ABLIM3: variants seen among roughly 807,000 people sequenced by gnomAD.
The protein encoded by ABLIM3 is actin-binding LIM protein 3.
In ABLIM3, 61 loss-of-function variants were observed where a neutral mutation model predicts 109.5. That is an observed-to-expected ratio of 0.56 (90% CI 0.45 to 0.69). The LOEUF is 0.69. Among genes scored for constraint, ABLIM3 ranks in the 30% least tolerant of loss-of-function variants. ABLIM3 has a pLI of 0.00. For synonymous variants in ABLIM3, 300 were observed against 324.8 expected (o/e 0.92, Z 0.82); for missense variants, 796 against 889.5 (o/e 0.89, Z 1.34).
At chr5:149,220,677 G>T (rs1043451904) in intron 8 of ABLIM3, 3 of 152,174 alleles carry the variant, frequency 2.0e-5, no homozygotes, top group African/African-American at 7.2e-5. Flanking sequence ...CCTGCTCCTG[G>T]GTAGCTCAGG....
At chr5:149,204,357 C>T (rs1353286413) in intron 5 of ABLIM3, among the ~76,000 whole-genome samples, 2 of 152,136 alleles carry the variant, frequency 1.3e-5, no homozygotes, top group African/African-American at 4.8e-5. Context: ...ATTTATTACA[C>T]CAGACCCACG....
intron 2 of ABLIM3, among the ~76,000 whole-genome samples, chr5:149,170,587 A>G (rs1755322555): frequency 1.3e-5 from 2 of 152,218 alleles, no homozygotes; most frequent in Non-Finnish European, 2.9e-5. Context: ...CTGAGCAGGC[A>G]AAACAACAGA....
chr5:149,154,353 G>A lies in ABLIM3; in HGVS notation c.13+12245G>A, dbSNP rs1753694349. 3.3e-5 allele frequency among the ~76,000 whole-genome samples: 5 copies of A among 152,332 alleles called. No individual in the cohort carries two copies. The South Asian group carries it at 1.0e-3, about 32-fold the overall frequency. Reference sequence around the variant, plus strand: ...GTGATGTTAGCATTATATGGTGCAGGAACCTCAGGTGATTATAAATCCCCC... The same window carrying A: ...GTGATGTTAGCATTATATGGTGCAGAAACCTCAGGTGATTATAAATCCCCC... On this transcript the variant is annotated intron_variant, in intron 2 of 23. Transcript: ENST00000309868.
At chr5:149,255,316 C>T (rs779838263) in intron 23 of ABLIM3, among the ~76,000 whole-genome samples, 24 of 152,320 alleles carry the variant, frequency 1.6e-4, no homozygotes, top group Non-Finnish European at 2.2e-4. Flanking sequence ...CATCTGGGTA[C>T]GGTTCGAGGT....
chr5:149,199,642 A>C (rs1758314181), intron 4 of ABLIM3, among the ~76,000 whole-genome samples: 2 of 152,248 alleles, frequency 1.3e-5, no homozygotes, highest in Admixed American at 1.3e-4. Flanking sequence ...CACAGTGCTA[A>C]TACAAGGGCA....
At chr5:149,247,630 C>A in intron 17 of ABLIM3, 152 bp from the exon 18 acceptor site, 1 of 990,902 alleles carries the variant, frequency 1.0e-6, no homozygotes, top group Non-Finnish European at 1.5e-6. Flanking sequence ...CAACAGGAAA[C>A]ATGGGTGCCA....
chr5:149,231,631 A>G (rs1581192813), intron 9 of ABLIM3, among the ~76,000 whole-genome samples: 1 of 152,204 alleles, frequency 6.6e-6, no homozygotes, highest in Non-Finnish European at 1.5e-5. Context: ...ATTATGTTTT[A>G]AGCCCTGAAT....
chr5:149,192,755 C>T (rs1356034624), intron 3 of ABLIM3, among the ~76,000 whole-genome samples: 2 of 152,008 alleles, frequency 1.3e-5, no homozygotes, highest in African/African-American at 2.4e-5. Flanking sequence ...CATCAATAGC[C>T]ATTTCTACTC....
At chr5:149,195,388 C>G (rs768095667) in intron 3 of ABLIM3, among the ~76,000 whole-genome samples, 4 of 152,232 alleles carry the variant, frequency 2.6e-5, no homozygotes, top group Admixed American at 2.0e-4. Context: ...CACTCAGCCT[C>G]AGATCCATCT....
At chr5:149,210,637 C>A in intron 6 of ABLIM3, 89 bp from the exon 7 acceptor site, 1 of 1,101,524 alleles carries the variant, frequency 9.1e-7, no homozygotes, top group Non-Finnish European at 1.4e-6. Flanking sequence ...GCTCAGTCAA[C>A]ATAGGCTGCA....
intron 11 of ABLIM3, among the ~76,000 whole-genome samples, chr5:149,238,179 TAAAC>T (rs1373674401): frequency 6.6e-6 from 1 of 152,172 alleles, no homozygotes; most frequent in Non-Finnish European, 1.5e-5. Context: ...AAATGGTTGC[TAAAC>T]AAGAGAAAGT....
At chr5:149,177,936 C>T (rs1004212072) in intron 2 of ABLIM3, among the ~76,000 whole-genome samples, 3 of 152,120 alleles carry the variant, frequency 2.0e-5, no homozygotes, top group Non-Finnish European at 4.4e-5. Context: ...GAAACTGAGG[C>T]GGGGTTTATG....
In ABLIM3 at chr5:149,244,867, T is replaced by C; in HGVS notation, c.1352-14T>C. On this transcript the variant is annotated splice_polypyrimidine_tract_variant and intron_variant, in intron 15 of 23. Transcript: ENST00000309868. ...CTCTGCCTTCCTGAAGTGCTCTCCT[T>C]GGGTCCTCTGCAGGTGATTTGTCTA... 6.2e-7 allele frequency: 1 copy of C among 1,614,158 alleles called. No homozygotes were observed. The highest frequency in any genetic ancestry group is 8.5e-7 in the Non-Finnish European group (1 of 1,180,022).
chr5:149,161,997 C>T (rs1191816333), intron 2 of ABLIM3, among the ~76,000 whole-genome samples: 1 of 152,028 alleles, frequency 6.6e-6, no homozygotes, highest in Admixed American at 6.5e-5. Context: ...GGCACATTCC[C>T]CAATTCCCCA....
Position 149,244,992 on chromosome 5 carries a change from G to A in ABLIM3, c.1463G>A (p.Trp488Ter). The change falls in exon 16 of 24, where the codon TGG (tryptophan) becomes TAG (stop). Residue 488 changes from tryptophan (W) to a stop codon, truncating the protein, a stop_gained. Transcript: ENST00000309868. LOFTEE classifies it high-confidence loss of function. ...TACTATGCTTCGGAGTCTGAGTACT[G>A]GACCTACCATGGGTCCCCCAAAGGT... The part of the protein sequence containing the change: ...DPYYASESEY[W>*]TYHGSPKVPR... 6.2e-7 allele frequency: 1 copy of A among 1,614,138 alleles called. No individual in the cohort carries two copies. Among genetic ancestry groups the A allele is most frequent in the Non-Finnish European group, 8.5e-7 (1 of 1,180,010 alleles).
At chr5:149,191,322 C>G (rs763266770) in intron 3 of ABLIM3, among the ~76,000 whole-genome samples, 2 of 152,024 alleles carry the variant, frequency 1.3e-5, no homozygotes, top group African/African-American at 2.4e-5. Flanking sequence ...AATTTTAAAA[C>G]TTAGATAACA....
intron 8 of ABLIM3, 174 bp downstream of exon 8, chr5:149,217,220 G>A (rs954892779): frequency 4.7e-6 from 3 of 645,140 alleles, no homozygotes; most frequent in Non-Finnish European, 8.3e-6. Context: ...GAAGGTTGCC[G>A]GTGTGGCTAA....
chr5:149,241,999 C>T (rs138357314), intron 14 of ABLIM3, among the ~76,000 whole-genome samples: 1 of 152,152 alleles, frequency 6.6e-6, no homozygotes, highest in Non-Finnish European at 1.5e-5. Flanking sequence ...CACTCACGTT[C>T]CCCTCAAGAG....
chr5:149,206,957 G>A (rs1262857321), intron 5 of ABLIM3, 51 bp from the exon 6 acceptor site: 1 of 1,585,040 alleles, frequency 6.3e-7, no homozygotes, highest in Non-Finnish European at 8.6e-7. Context: ...GAGATAGCGG[G>A]GGTTAAAGGG....
Sources: allele counts gnomAD v4.1 joint callset (sites outside exome capture counted in the v4.1 genomes callset), GRCh38; gene constraint gnomAD v4.1.1; transcripts MANE v1.5; gene names NCBI Gene and HGNC (gene_info 2026-07-23, HGNC 2026-07-21).